The following KRTAP4-1 variants were observed in gnomAD, a reference collection of about 807,000 sequenced individuals.
The protein encoded by KRTAP4-1 is keratin associated protein 4-1, also known as keratin-associated protein 4-1.
For synonymous variants in KRTAP4-1, 52 were observed against 58.3 expected, an observed-to-expected ratio of 0.89 and a Z score of 0.50; for missense variants, 155 against 181.3, an observed-to-expected ratio of 0.85 and a Z score of 0.83.
At position 41,184,906 on chromosome 17, in the gene KRTAP4-1, G is replaced by A. The variant is rs452531; in HGVS notation, c.-52C>T. 0.93 allele frequency: 1,495,185 copies of A among 1,605,260 alleles called. 696,579 individuals are homozygous for A. The highest frequency in any genetic ancestry group is 0.97 in the South Asian group (86,969 of 89,766). ...AGGTTTCCAAGACAGTGAGTTTTTC[G>A]AATGTGGGAATCTCCTTATCCCATG... On this transcript the variant is annotated 5_prime_UTR_variant, in exon 1 of 1. Coordinates refer to ENST00000398472, the MANE Select transcript of KRTAP4-1 (RefSeq NM_001386841.1).
rs527315015 is a variant in KRTAP4-1, at chr17:41,184,650, A to C, written c.205T>G (p.Cys69Gly). The change falls in exon 1 of 1, where the codon TGT (cysteine) becomes GGT (glycine). Residue 69 changes from cysteine (C) to glycine (G), a missense_variant. Physicochemically the swap from Cys to Gly is radical, Grantham distance 159. Transcript: ENST00000398472. Reference protein sequence around the residue: ...CCRPSCCHPVCCQTTCRPSCG... With the variant: ...CCRPSCCHPVGCQTTCRPSCG... ...CTGGGGCGGCAGGTGGTCTGACAAC[A>C]GACTGGGTGGCAGCAGCTGGGGCGA... 6.2e-7 allele frequency: 1 copy of C among 1,601,034 alleles called. No homozygotes were observed. Among genetic ancestry groups the C allele is most frequent in the East Asian group, 2.3e-5 (1 of 44,126 alleles).
In KRTAP4-1 at chr17:41,184,463, C is replaced by T; in HGVS notation, c.392G>A (p.Cys131Tyr). 1 of 1,607,630 alleles carries T rather than the reference C, an allele frequency of 6.2e-7. No individual in the cohort carries two copies. Among genetic ancestry groups the T allele is most frequent in the Non-Finnish European group, 8.5e-7 (1 of 1,175,972 alleles). ...GGGGCGGCAGCAAGTTGCACGGCAGCAGGTGGTCTGACAGCAGAGTGGACG... is the reference window on the plus strand; with the variant it reads ...GGGGCGGCAGCAAGTTGCACGGCAGTAGGTGGTCTGACAGCAGAGTGGACG... ...CCRPLCCQTT[C>Y]CRATCCRPSC... is the part of the protein sequence containing the mutation. The change falls in exon 1 of 1, where the codon TGC (cysteine) becomes TAC (tyrosine). Residue 131 changes from cysteine (C) to tyrosine (Y), a missense_variant. Coordinates refer to ENST00000398472, the MANE Select transcript of KRTAP4-1 (RefSeq NM_001386841.1).
In KRTAP4-1 at chr17:41,184,279, C is replaced by A; in HGVS notation, c.*135G>T. On this transcript the variant is annotated 3_prime_UTR_variant, in exon 1 of 1. Transcript: ENST00000398472. ...AGTGGTATTAAATGTAGATGGATGCCCTTTCACCAGTTACTTAGTGGAATA... is the reference window on the plus strand; with the variant it reads ...AGTGGTATTAAATGTAGATGGATGCACTTTCACCAGTTACTTAGTGGAATA... 7.0e-7 allele frequency: 1 copy of A among 1,431,712 alleles called. No individual in the cohort carries two copies. Among genetic ancestry groups the A allele is most frequent in the South Asian group, 1.4e-5 (1 of 71,756 alleles). The allele number at this position is 1,431,712 out of a possible 1,614,324, so 88.7% of individuals were successfully genotyped here.
In KRTAP4-1 at chr17:41,184,153, G is replaced by C. The variant is rs2015243102; in HGVS notation, c.*261C>G. 1 of 473,572 alleles carries C rather than the reference G, an allele frequency of 2.1e-6. No homozygotes were observed. The highest frequency in any genetic ancestry group is 3.6e-6 in the Non-Finnish European group (1 of 275,980). 29.3% of individuals were successfully genotyped at this position (473,572 alleles called of 1,614,324 possible). On this transcript the variant is annotated 3_prime_UTR_variant, in exon 1 of 1. Transcript: ENST00000398472. ...AGAACAGTTAATATGTAATTTTGAA[G>C]GTCAAATCAAGCATAACAGTCAGAA...
Position 41,184,276 on chromosome 17 carries a change from T to C in KRTAP4-1, c.*138A>G, listed in dbSNP as rs1004799308. 2 of 1,410,726 alleles carry C rather than the reference T, an allele frequency of 1.4e-6. No homozygotes were observed. The highest frequency in any genetic ancestry group is 1.4e-5 in the African/African-American group (1 of 69,542). The allele number at this position is 1,410,726 out of a possible 1,614,324, so 87.4% of individuals were successfully genotyped here. A position where few individuals can be genotyped will look rare whatever the true frequency, so the allele number is the denominator to read the frequency against. ...ATGAGTGGTATTAAATGTAGATGGA[T>C]GCCCTTTCACCAGTTACTTAGTGGA... On this transcript the variant is annotated 3_prime_UTR_variant, in exon 1 of 1. Transcript: ENST00000398472.
chr17:41,184,140 A>G lies in KRTAP4-1; in HGVS notation c.*274T>C, dbSNP rs2015242967. 4.5e-6 allele frequency: 2 copies of G among 441,860 alleles called. No individual in the cohort carries two copies. The highest frequency in any genetic ancestry group is 7.4e-5 in the South Asian group (1 of 13,494). 27.4% of individuals were successfully genotyped at this position (441,860 alleles called of 1,614,324 possible). A position where few individuals can be genotyped will look rare whatever the true frequency, so the allele number is the denominator to read the frequency against. On this transcript the variant is annotated 3_prime_UTR_variant, in exon 1 of 1. Coordinates refer to ENST00000398472, the MANE Select transcript of KRTAP4-1 (RefSeq NM_001386841.1). ...TAATATTTATTGAAGAACAGTTAAT[A>G]TGTAATTTTGAAGGTCAAATCAAGC...
Position 41,184,476 on chromosome 17 carries a change from A to T in KRTAP4-1, c.379T>A (p.Cys127Ser). Residue 127 changes from cysteine to serine, a missense_variant, in exon 1 of 1, where the codon TGT becomes AGT. Transcript: ENST00000398472. ...GTTGCACGGCAGCAGGTGGTCTGACAGCAGAGTGGACGGCAGCAGCTGGAC... is the reference window on the plus strand; with the variant it reads ...GTTGCACGGCAGCAGGTGGTCTGACTGCAGAGTGGACGGCAGCAGCTGGAC... ...GVSSCCRPLC[C>S]QTTCCRATCC... 6.2e-7 allele frequency: 1 copy of T among 1,611,608 alleles called. No homozygotes were observed. The highest frequency in any genetic ancestry group is 1.3e-5 in the African/African-American group (1 of 74,958).
Position 41,184,419 on chromosome 17 carries a change from A to C in KRTAP4-1, c.436T>G (p.Cys146Gly). 1 of 1,593,122 alleles carries C rather than the reference A, an allele frequency of 6.3e-7. No individual in the cohort carries two copies. The highest frequency in any genetic ancestry group is 1.1e-5 in the South Asian group (1 of 87,588). The change falls in exon 1 of 1, where the codon TGT (cysteine) becomes GGT (glycine). Residue 146 changes from cysteine (C) to glycine (G), a missense_variant. Physicochemically the swap from Cys to Gly is radical, Grantham distance 159. Coordinates refer to ENST00000398472, the MANE Select transcript of KRTAP4-1 (RefSeq NM_001386841.1). ...CCRPSCCGSS[C>G] The stretch of plus-strand genomic sequence containing the variant: ...TTGATAGTCCAATATGAGGTTCAAC[A>C]AGAGGATCCACAGCAGCTGGGGCGG...
In KRTAP4-1 at chr17:41,184,288, A is replaced by T; in HGVS notation, c.*126T>A. 6.9e-7 allele frequency: 1 copy of T among 1,459,136 alleles called. No homozygotes were observed. The highest frequency in any genetic ancestry group is 9.2e-7 in the Non-Finnish European group (1 of 1,082,396). 90.4% of individuals were successfully genotyped at this position (1,459,136 alleles called of 1,614,324 possible). On this transcript the variant is annotated 3_prime_UTR_variant, in exon 1 of 1. Transcript: ENST00000398472. Reference sequence around the variant, plus strand: ...AAATGTAGATGGATGCCCTTTCACCAGTTACTTAGTGGAATAACAGGATAA... The same window carrying T: ...AAATGTAGATGGATGCCCTTTCACCTGTTACTTAGTGGAATAACAGGATAA...
Position 41,184,382 on chromosome 17 carries a change from A to G in KRTAP4-1, c.*32T>C, listed in dbSNP as rs765070013. On this transcript the variant is annotated 3_prime_UTR_variant, in exon 1 of 1. Coordinates refer to ENST00000398472, the MANE Select transcript of KRTAP4-1 (RefSeq NM_001386841.1). Reference sequence around the variant, plus strand: ...GACACTTTCATATCATGGGATGGTGACTGGCTCATGGTTGATAGTCCAATA... The same window carrying G: ...GACACTTTCATATCATGGGATGGTGGCTGGCTCATGGTTGATAGTCCAATA... 1.9e-6 allele frequency: 3 copies of G among 1,553,306 alleles called. No individual in the cohort carries two copies. The African/African-American group carries it at 4.1e-5, about 21-fold the overall frequency.
Position 41,184,408 on chromosome 17 carries a change from T to G in KRTAP4-1, c.*6A>C, listed in dbSNP as rs779209031. On this transcript the variant is annotated 3_prime_UTR_variant, in exon 1 of 1. Coordinates refer to ENST00000398472, the MANE Select transcript of KRTAP4-1 (RefSeq NM_001386841.1). ...CTGGCTCATGGTTGATAGTCCAATATGAGGTTCAACAAGAGGATCCACAGC... is the reference window on the plus strand; with the variant it reads ...CTGGCTCATGGTTGATAGTCCAATAGGAGGTTCAACAAGAGGATCCACAGC... 6.3e-7 allele frequency: 1 copy of G among 1,583,980 alleles called. No individual in the cohort carries two copies.
rs112363564 is a variant in KRTAP4-1 at position 41,184,442 on chromosome 17, C to T, written c.413G>A (p.Arg138His). Residue 138 changes from arginine (R) to histidine (H), a missense_variant, in exon 1 of 1, where the codon CGC becomes CAC. By Grantham distance (29) the Arg-to-His change is conservative. Transcript: ENST00000398472. The stretch of plus-strand genomic sequence containing the variant: ...ACAAGAGGATCCACAGCAGCTGGGG[C>T]GGCAGCAAGTTGCACGGCAGCAGGT... ...QTTCCRATCC[R>H]PSCCGSSC The T allele has an allele frequency of 1.1e-3, 1,730 of 1,603,788 alleles. 20 individuals are homozygous for T. In the African/African-American group the frequency reaches 0.02, roughly 19 times the overall value.
In KRTAP4-1 at chr17:41,184,526, G is replaced by T. The variant is rs946937149; in HGVS notation, c.329C>A (p.Thr110Asn). 19 of 1,500,120 alleles carry T rather than the reference G, an allele frequency of 1.3e-5. No individual in the cohort carries two copies. The highest frequency in any genetic ancestry group is 1.6e-5 in the Non-Finnish European group (18 of 1,111,794). 92.9% of individuals were successfully genotyped at this position (1,500,120 alleles called of 1,614,324 possible). ...CACACCACAGCTGGGGCGGCAGGTGGTCTGACAACAGAGTGGACGGCAGCA... is the reference window on the plus strand; with the variant it reads ...CACACCACAGCTGGGGCGGCAGGTGTTCTGACAACAGAGTGGACGGCAGCA... ...SSCCRPLCCQ[T>N]TCRPSCGVSS... The change falls in exon 1 of 1, where the codon ACC (threonine) becomes AAC (asparagine). Residue 110 changes from threonine to asparagine, a missense_variant. Thr to Asn is a moderately conservative substitution (Grantham distance 65). Coordinates refer to ENST00000398472, the MANE Select transcript of KRTAP4-1 (RefSeq NM_001386841.1).
In KRTAP4-1 at chr17:41,184,128, AG is replaced by A; in HGVS notation, c.*285del. 1 of 397,370 alleles carries A rather than the reference AG, an allele frequency of 2.5e-6. No individual in the cohort carries two copies. Among genetic ancestry groups the A allele is most frequent in the Non-Finnish European group, 4.4e-6 (1 of 225,610 alleles). 24.6% of individuals were successfully genotyped at this position (397,370 alleles called of 1,614,324 possible). Reference sequence around the variant, plus strand: ...CTGATATTAAGATAATATTTATTGAAGAACAGTTAATATGTAATTTTGAAGG... The same window carrying A: ...CTGATATTAAGATAATATTTATTGAAAACAGTTAATATGTAATTTTGAAGG... On this transcript the variant is annotated 3_prime_UTR_variant, in exon 1 of 1. Transcript: ENST00000398472.
In KRTAP4-1 at chr17:41,184,500, A is replaced by G. The variant is rs2144021074; in HGVS notation, c.355T>C (p.Ser119Pro). The G allele has an allele frequency of 6.2e-7, 1 of 1,608,562 alleles. No homozygotes were observed. Among genetic ancestry groups the G allele is most frequent in the East Asian group, 2.2e-5 (1 of 44,724 alleles). ...QTTCRPSCGV[S>P]SCCRPLCCQT... ...CAGCAGAGTGGACGGCAGCAGCTGG[A>G]CACACCACAGCTGGGGCGGCAGGTG... Residue 119 changes from serine (S) to proline (P), a missense_variant, in exon 1 of 1, where the codon TCC becomes CCC. Physicochemically the swap from Ser to Pro is moderately conservative, Grantham distance 74. Transcript: ENST00000398472.
In KRTAP4-1 at chr17:41,184,826, C is replaced by T; in HGVS notation, c.29G>A (p.Cys10Tyr). The T allele has an allele frequency of 1.9e-6, 3 of 1,614,030 alleles. No homozygotes were observed. The highest frequency in any genetic ancestry group is 2.5e-6 in the Non-Finnish European group (3 of 1,179,896). MVNSCCGSV[C>Y]SDQGCDQGLC... Reference sequence around the variant, plus strand: ...GCCTTGATCACAGCCCTGGTCAGAGCAGACAGAGCCACAACAAGAGTTAAC... The same window carrying T: ...GCCTTGATCACAGCCCTGGTCAGAGTAGACAGAGCCACAACAAGAGTTAAC... Residue 10 changes from cysteine (C) to tyrosine (Y), a missense_variant, in exon 1 of 1, where the codon TGC (cysteine) becomes TAC (tyrosine). Cys to Tyr is a radical substitution (Grantham distance 194). Coordinates refer to ENST00000398472, the MANE Select transcript of KRTAP4-1 (RefSeq NM_001386841.1).
In KRTAP4-1 at chr17:41,184,836, CACA is replaced by C. The variant is rs1443771770; in HGVS notation, c.16_18del (p.Cys6del). ...CAGCCCTGGTCAGAGCAGACAGAGC[CACA>C]ACAAGAGTTAACCATGGTGTCAGAG... is the stretch of plus-strand genomic sequence containing the variant. On this transcript the variant is annotated inframe_deletion, in exon 1 of 1. Coordinates refer to ENST00000398472, the MANE Select transcript of KRTAP4-1 (RefSeq NM_001386841.1). The C allele has an allele frequency of 2.5e-6, 4 of 1,613,952 alleles. No homozygotes were observed. The highest frequency in any genetic ancestry group is 1.3e-5 in the African/African-American group (1 of 75,050).
At position 41,184,732 on chromosome 17, in the gene KRTAP4-1, T is replaced by C. The variant is rs778399464; in HGVS notation, c.123A>G (p.Val41=). The change falls in exon 1 of 1, where the codon GTA becomes GTG. Residue 41 remains valine, a synonymous_variant. Transcript: ENST00000398472. ...QTTCCCPSCV[V]SSCCRPSCSQ... ...AGCAGGATGGGCGGCAGCAGCTGGA[T>C]ACAACACAGCTGGGGCAGCAACAGG... 1.9e-6 allele frequency: 3 copies of C among 1,609,292 alleles called. No individual in the cohort carries two copies. The African/African-American group carries it at 4.1e-5, about 22-fold the overall frequency.
chr17:41,184,761 T>C lies in KRTAP4-1; in HGVS notation c.94A>G (p.Thr32Ala). 1 of 1,611,666 alleles carries C rather than the reference T, an allele frequency of 6.2e-7. No homozygotes were observed. The highest frequency in any genetic ancestry group is 8.5e-7 in the Non-Finnish European group (1 of 1,179,320). The change falls in exon 1 of 1, where the codon ACC (threonine) becomes GCC (alanine). Residue 32 changes from threonine to alanine, a missense_variant. By Grantham distance (58) the Thr-to-Ala change is moderately conservative. Transcript: ENST00000398472. ...ETCCRPSCCQ[T>A]TCCCPSCVVS... ...ACACAGCTGGGGCAGCAACAGGTGG[T>C]CTGGCAGCAGCTGGGGCGGCAGCAG...
Sources: allele counts gnomAD v4.1 joint callset, GRCh38; gene constraint gnomAD v4.1.1; transcripts MANE v1.5; gene names NCBI Gene and HGNC (gene_info 2026-07-23, HGNC 2026-07-21).